The following CNTNAP2 variants were observed in gnomAD, a reference collection of about 807,000 sequenced individuals.
CNTNAP2 encodes contactin associated protein 2.
CNTNAP2 carries 98 observed loss-of-function variants against 155.2 expected under a neutral mutation model. The ratio of observed to expected loss-of-function variants is 0.63; its 90% confidence interval spans 0.54 to 0.75. The LOEUF (loss-of-function observed/expected upper bound fraction) is 0.75, where lower values mean the gene tolerates loss of function less well. CNTNAP2 is among the 30% of genes least tolerant of loss of function. The pLI is 0.00. For missense variants in CNTNAP2, 1,727 were observed against 1,688.1 expected, an observed-to-expected ratio of 1.02 and a Z score of -0.40; for synonymous variants, 651 against 631.2, an observed-to-expected ratio of 1.03 and a Z score of -0.47.
intron 11 of CNTNAP2, among the ~76,000 whole-genome samples, chr7:147,539,140 T>A (rs1038723351): frequency 6.6e-6 from 1 of 152,166 alleles, no homozygotes; most frequent in Non-Finnish European, 1.5e-5. Context: ...CACATATATA[T>A]ACATATATCA....
intron 16 of CNTNAP2, among the ~76,000 whole-genome samples, chr7:148,121,254 C>T (rs1357394118): frequency 9.2e-5 from 14 of 152,004 alleles, no homozygotes; most frequent in East Asian, 3.9e-4. Context: ...AGGCTGGTCT[C>T]GAACTCCTGA....
intron 1 of CNTNAP2, among the ~76,000 whole-genome samples, chr7:146,167,981 C>T (rs1798337384): frequency 6.6e-6 from 1 of 152,122 alleles, no homozygotes. Flanking sequence ...AGCTGAAGAA[C>T]TTGACAGGAG....
intron 20 of CNTNAP2, among the ~76,000 whole-genome samples, chr7:148,238,930 T>C (rs1404964597): frequency 6.6e-6 from 1 of 152,256 alleles, no homozygotes. Flanking sequence ...AAAATTTTAC[T>C]ATCAGAAGTT....
At chr7:146,497,310 A>C (rs557677551) in intron 1 of CNTNAP2, among the ~76,000 whole-genome samples, 1 of 152,238 alleles carries the variant, frequency 6.6e-6, no homozygotes, top group African/African-American at 2.4e-5. Context: ...TCTGATTAAA[A>C]CATTGTTTAT....
intron 9 of CNTNAP2, among the ~76,000 whole-genome samples, chr7:147,340,815 A>G (rs1364879796): frequency 6.6e-6 from 1 of 152,074 alleles, no homozygotes; most frequent in Non-Finnish European, 1.5e-5. Context: ...ATGATACAGT[A>G]TACAATCACT....
chr7:148,063,429 G>C (rs528361803), intron 15 of CNTNAP2, among the ~76,000 whole-genome samples: 1 of 151,828 alleles, frequency 6.6e-6, no homozygotes, highest in Non-Finnish European at 1.5e-5. Context: ...CAGCTCATTG[G>C]TGCTCTTTCC....
intron 1 of CNTNAP2, among the ~76,000 whole-genome samples, chr7:146,470,454 C>T (rs954429051): frequency 6.6e-6 from 1 of 152,154 alleles, no homozygotes; most frequent in Non-Finnish European, 1.5e-5. Context: ...TCCCTTTCTC[C>T]TTTCTCTGCC....
At chr7:146,414,269 G>A (rs1795906641) in intron 1 of CNTNAP2, among the ~76,000 whole-genome samples, 1 of 152,174 alleles carries the variant, frequency 6.6e-6, no homozygotes. Context: ...GAAAAGGGTG[G>A]TGTCAACTCT....
intron 1 of CNTNAP2, among the ~76,000 whole-genome samples, chr7:146,599,862 C>T (rs1244186143): frequency 1.3e-5 from 2 of 151,858 alleles, no homozygotes; most frequent in Admixed American, 1.3e-4. Context: ...GAATGAAATA[C>T]TTAAGAAATT....
chr7:148,391,675 T>G (rs1020083645), intron 22 of CNTNAP2, among the ~76,000 whole-genome samples: 9 of 152,374 alleles, frequency 5.9e-5, no homozygotes, highest in African/African-American at 2.2e-4. Flanking sequence ...CTCAGAATTA[T>G]GGACTCTGTT....
chr7:147,432,029 T>C (rs185536339), intron 10 of CNTNAP2, among the ~76,000 whole-genome samples: 14 of 152,354 alleles, frequency 9.2e-5, no homozygotes, highest in Admixed American at 1.3e-4. Context: ...TCTTATATCC[T>C]GAAATCTGAC....
At chr7:147,186,376 T>G (rs1802566905) in intron 8 of CNTNAP2, among the ~76,000 whole-genome samples, 1 of 152,226 alleles carries the variant, frequency 6.6e-6, no homozygotes, top group South Asian at 2.1e-4. Context: ...ATATAAATTA[T>G]CTCATTTACT....
intron 1 of CNTNAP2, among the ~76,000 whole-genome samples, chr7:146,700,226 G>A (rs1800852316): frequency 6.6e-6 from 1 of 152,028 alleles, no homozygotes; most frequent in African/African-American, 2.4e-5. Flanking sequence ...TGGATCTAGT[G>A]TTGACTTCTT....
chr7:146,767,635 G>A lies in CNTNAP2; in HGVS notation c.98-6636G>A, dbSNP rs1311754190. 2.0e-5 allele frequency among the ~76,000 whole-genome samples: 3 copies of A among 152,140 alleles called. No individual in the cohort carries two copies. In the East Asian group the frequency reaches 5.8e-4, roughly 29 times the overall value. On this transcript the variant is annotated intron_variant, in intron 1 of 23. Coordinates refer to ENST00000361727, the MANE Select transcript of CNTNAP2 (RefSeq NM_014141.6). The stretch of plus-strand genomic sequence containing the variant: ...AAGCAATGTATGAACCATAAAAATG[G>A]GAGGAAAATATGGTATAAGTGAAGA...
intron 8 of CNTNAP2, among the ~76,000 whole-genome samples, chr7:147,209,942 T>C (rs1236503079): frequency 6.6e-6 from 1 of 152,082 alleles, no homozygotes; most frequent in Non-Finnish European, 1.5e-5. Flanking sequence ...GCCTGCTTGA[T>C]TGTGGTGCAT....
At chr7:147,311,523 G>T (rs907826610) in intron 9 of CNTNAP2, among the ~76,000 whole-genome samples, 1 of 152,116 alleles carries the variant, frequency 6.6e-6, no homozygotes, top group Non-Finnish European at 1.5e-5. Flanking sequence ...GGCCTCAGCT[G>T]GTAAGCATCT....
intron 3 of CNTNAP2, among the ~76,000 whole-genome samples, chr7:146,853,502 A>C (rs1794920219): frequency 6.6e-6 from 1 of 152,186 alleles, no homozygotes; most frequent in African/African-American, 2.4e-5. Flanking sequence ...AGCTTATTCA[A>C]TTGAAGTGCA....
intron 1 of CNTNAP2, among the ~76,000 whole-genome samples, chr7:146,243,829 C>T (rs1192582229): frequency 6.6e-6 from 1 of 152,122 alleles, no homozygotes; most frequent in Admixed American, 6.5e-5. Context: ...TTCCTGTCTT[C>T]TTATATTAAT....
At chr7:148,323,294 C>CTTT (rs60109355) in intron 21 of CNTNAP2, among the ~76,000 whole-genome samples, 2 of 49,464 alleles carry the variant, frequency 4.0e-5, no homozygotes, top group African/African-American at 8.6e-5. Flanking sequence ...TTATGGATTT[C>CTTT]TTTTTTTTTT....
Sources: gnomAD v4.1 joint callset for allele counts (sites outside exome capture counted in the v4.1 genomes callset) on GRCh38, gnomAD v4.1.1 for gene constraint, MANE v1.5 for transcripts, NCBI Gene and HGNC (gene_info 2026-07-23, HGNC 2026-07-21) for gene names.